TEX2: variants seen among roughly 807,000 people sequenced by gnomAD.
TEX2 encodes the protein testis-expressed protein 2.
A neutral mutation model predicts 106.9 loss-of-function variants in TEX2; 53 were observed. That is an observed-to-expected ratio of 0.50 (90% CI 0.40 to 0.62). The LOEUF (loss-of-function observed/expected upper bound fraction) is 0.62, where lower values mean the gene tolerates loss of function less well. Among genes scored for constraint, TEX2 ranks in the 20% least tolerant of loss-of-function variants. The probability of loss-of-function intolerance (pLI) is 0.00; values close to 1 mark genes in which losing one functional copy is unlikely to be tolerated. For missense variants in TEX2, 1,207 were observed against 1,379.0 expected, an observed-to-expected ratio of 0.88 and a Z score of 1.98; for synonymous variants, 523 against 534.8, an observed-to-expected ratio of 0.98 and a Z score of 0.30.
At chr17:64,256,675 A>C (rs782350929) in intron 1 of TEX2, among the ~76,000 whole-genome samples, 8 of 152,198 alleles carry the variant, frequency 5.3e-5, no homozygotes, top group Admixed American at 2.6e-4. Context: ...TGTCTAGACT[A>C]GATAATGTGC....
chr17:64,222,387 G>A (rs2033381363), intron 1 of TEX2, among the ~76,000 whole-genome samples: 1 of 151,714 alleles, frequency 6.6e-6, no homozygotes, highest in East Asian at 1.9e-4. Context: ...GTGTGGTGGT[G>A]GGCACCTGTA....
chr17:64,200,117 T>C (rs574580212), intron 2 of TEX2, among the ~76,000 whole-genome samples: 8 of 152,344 alleles, frequency 5.3e-5, no homozygotes, highest in South Asian at 2.1e-4. Context: ...GAGTATTCTA[T>C]GTAGGAGGCT....
Position 64,188,129 on chromosome 17 carries a change from C to T in TEX2, c.2424+39G>A, listed in dbSNP as rs202099853. 3.4e-5 allele frequency: 54 copies of T among 1,589,360 alleles called. No individual in the cohort carries two copies. The East Asian group carries it at 4.5e-4, about 13-fold the overall frequency. ...TACGCATGAAGAAATGTGTCTAAGT[C>T]GAAAAGTGAAAAAGGTCCGGCCCAG... On this transcript the variant is annotated intron_variant, in intron 5 of 11. Coordinates refer to ENST00000584379, the MANE Select transcript of TEX2 (RefSeq NM_001288732.2).
chr17:64,252,002 G>A (rs1489469425), intron 1 of TEX2, among the ~76,000 whole-genome samples: 2 of 152,142 alleles, frequency 1.3e-5, no homozygotes, highest in African/African-American at 2.4e-5. Flanking sequence ...GAAGACTACT[G>A]CACCCCTGGC....
chr17:64,170,635 T>TTTTTTTC (rs1478491172), intron 7 of TEX2, among the ~76,000 whole-genome samples: 2 of 132,636 alleles, frequency 1.5e-5, no homozygotes, highest in East Asian at 4.5e-4. Flanking sequence ...TTTTTTTTTT[T>TTTTTTTC]TTTTTTTTTT....
rs1283167030 is a variant in TEX2, at chr17:64,204,630, G to T, written c.1644+7944C>A. Among the ~76,000 whole-genome samples, 3 of 152,160 alleles carry T rather than the reference G, an allele frequency of 2.0e-5. No homozygotes were observed. In the South Asian group the frequency reaches 6.2e-4, roughly 32 times the overall value. On this transcript the variant is annotated intron_variant, in intron 2 of 11. Coordinates refer to ENST00000584379, the MANE Select transcript of TEX2 (RefSeq NM_001288732.2). ...AGAAGCAATGGAATGAAAACAGTGA[G>T]TCAACAACTATGGCCTGGGCACCCA...
At chr17:64,253,333 CTTT>C (rs71158311) in intron 1 of TEX2, among the ~76,000 whole-genome samples, 1 of 39,458 alleles carries the variant, frequency 2.5e-5, no homozygotes, top group African/African-American at 7.0e-5. Context: ...TTCTTTCTTT[CTTT>C]TTTTTTTTTT....
In TEX2 at chr17:64,213,489, G is replaced by T. The variant is rs1598187582; in HGVS notation, c.729C>A (p.Asn243Lys). 1 of 1,614,044 alleles carries T rather than the reference G, an allele frequency of 6.2e-7. No homozygotes were observed. Among genetic ancestry groups the T allele is most frequent in the Admixed American group, 1.7e-5 (1 of 60,000 alleles). ...GTGTGAACTGCTTGAACAGGTGTAA[G>T]TTCAGTTTGGAATCAGGTGGCTTAT... is the stretch of plus-strand genomic sequence containing the variant. ...VSYKPPDSKL[N>K]LHLFKQFTQP... Residue 243 changes from asparagine to lysine, a missense_variant, in exon 2 of 12, where the codon AAC (asparagine) becomes AAA (lysine). Around this residue, in one of 3 missense-constraint regions of TEX2, gnomAD observed 1,067 missense variants for 1,193.6 expected, o/e 0.89. Transcript: ENST00000584379. The surrounding 1 kb of genome is among the most constrained non-coding windows in gnomAD (Gnocchi z 4.4).
chr17:64,176,984 C>T (rs78680973), intron 6 of TEX2, among the ~76,000 whole-genome samples: 2,642 of 152,264 alleles, frequency 0.017, 84 homozygotes, highest in African/African-American at 0.06. Context: ...TCTGGATGTA[C>T]AATTTAAGTT....
chr17:64,176,284 G>T lies in TEX2; in HGVS notation c.2571+1041C>A, dbSNP rs984168356. Among the ~76,000 whole-genome samples the T allele has an allele frequency of 2.0e-5, 3 of 152,154 alleles. No homozygotes were observed. In the East Asian group the frequency reaches 5.8e-4, roughly 29 times the overall value. ...GAAAAGCTCTGTTCTTTACCCAAAGGAACAAAAGAAATCAACCTGAAGCTC... is the reference window on the plus strand; with the variant it reads ...GAAAAGCTCTGTTCTTTACCCAAAGTAACAAAAGAAATCAACCTGAAGCTC... On this transcript the variant is annotated intron_variant, in intron 6 of 11. Transcript: ENST00000584379.
intron 10 of TEX2, 35 bp from the exon 11 acceptor site, chr17:64,150,996 C>G (rs779318321): frequency 2.5e-6 from 4 of 1,608,528 alleles, no homozygotes; most frequent in Non-Finnish European, 3.4e-6. Flanking sequence ...CATTTAGAAG[C>G]AAAGCAAGGA....
intron 1 of TEX2, among the ~76,000 whole-genome samples, chr17:64,237,918 C>A (rs1356943004): frequency 2.6e-5 from 4 of 152,154 alleles, no homozygotes; most frequent in Non-Finnish European, 5.9e-5. Context: ...CTACAACCAG[C>A]AGAAAAATAA....
In TEX2 at chr17:64,185,053, T is replaced by G. The variant is rs577210897; in HGVS notation, c.2424+3115A>C. 1.1e-3 allele frequency among the ~76,000 whole-genome samples: 169 copies of G among 152,322 alleles called. 1 individual carries two copies. Among genetic ancestry groups the G allele is most frequent in the African/African-American group, 3.8e-3 (159 of 41,572 alleles). The stretch of plus-strand genomic sequence containing the variant: ...AGTTACAGACTTCCTGGTTTCTATT[T>G]GACTCCTATTTGCTCTGTAACATTC... On this transcript the variant is annotated intron_variant, in intron 5 of 11. Transcript: ENST00000584379. The surrounding 1 kb of genome is among the most constrained non-coding windows in gnomAD (Gnocchi z 4.0).
chr17:64,182,342 G>A (rs912966074), intron 5 of TEX2, among the ~76,000 whole-genome samples: 1 of 152,180 alleles, frequency 6.6e-6, no homozygotes, highest in Non-Finnish European at 1.5e-5. Context: ...GGGAGTTACT[G>A]TTTAATGAGT....
chr17:64,240,436 C>T (rs1163454480), intron 1 of TEX2, among the ~76,000 whole-genome samples: 5 of 152,108 alleles, frequency 3.3e-5, no homozygotes, highest in East Asian at 3.9e-4. Context: ...GGTGGAGTTA[C>T]GAAGAGGAGG....
chr17:64,215,381 G>A (rs1358739311), intron 1 of TEX2, among the ~76,000 whole-genome samples: 1 of 152,206 alleles, frequency 6.6e-6, no homozygotes, highest in African/African-American at 2.4e-5. Context: ...GTTGTAGTGG[G>A]ATGAGCATGA....
intron 1 of TEX2, among the ~76,000 whole-genome samples, chr17:64,262,952 G>C (rs917958191): frequency 1.1e-4 from 16 of 152,120 alleles, no homozygotes; most frequent in African/African-American, 3.1e-4. Context: ...CATCCGGCGG[G>C]GCCCCGAAGG....
At position 64,160,960 on chromosome 17, in the gene TEX2, GT is replaced by G. The variant is rs748191608; in HGVS notation, c.2672-28del. ...TGGAGAAATGGTGAAAAAACAGAAG[GT>G]TTTTTTCCCTCAAAAAAACACATGA... On this transcript the variant is annotated intron_variant, in intron 7 of 11. Coordinates refer to ENST00000584379, the MANE Select transcript of TEX2 (RefSeq NM_001288732.2). 6.3e-6 allele frequency: 10 copies of G among 1,598,078 alleles called. No homozygotes were observed. In the Admixed American group the frequency reaches 9.0e-5, roughly 14 times the overall value.
At position 64,212,768 on chromosome 17, in the gene TEX2, A is replaced by G. The variant is rs1555631763; in HGVS notation, c.1450T>C (p.Tyr484His). 1.2e-6 allele frequency: 2 copies of G among 1,614,188 alleles called. No individual in the cohort carries two copies. Among genetic ancestry groups the G allele is most frequent in the Middle Eastern group, 1.6e-4 (1 of 6,062 alleles). ...KTLGFFIMCV[Y>H]VYLILPLPHY... ...GGGAGGGGGAGGATGAGGTACACAT[A>G]GACACACATTATAAAGAAGCCCAAC... is the stretch of plus-strand genomic sequence containing the variant. The change falls in exon 2 of 12, where the codon TAT becomes CAT. Residue 484 changes from tyrosine to histidine, a missense_variant. By Grantham distance (83) the Tyr-to-His change is moderately conservative (BLOSUM62 2). Transcript: ENST00000584379.
Sources: allele counts gnomAD v4.1 joint callset (sites outside exome capture counted in the v4.1 genomes callset), GRCh38; gene constraint gnomAD v4.1.1; regional missense constraint gnomAD v4.1.1; non-coding constraint Gnocchi (gnomAD v3.1); transcripts MANE v1.5; gene names NCBI Gene and HGNC (gene_info 2026-07-23, HGNC 2026-07-21).